The following ERCC8 variants were observed in gnomAD, a reference collection of about 807,000 sequenced individuals.
ERCC8 encodes ERCC excision repair 8, CSA ubiquitin ligase complex subunit.
ERCC8 carries 52 observed loss-of-function variants against 54.9 expected under a neutral mutation model. The observed-to-expected ratio is 0.95, with a 90% CI of 0.76 to 1.19. The LOEUF is 1.19. Among genes scored for constraint, ERCC8 ranks in the 50% most tolerant of loss-of-function variants. The probability of loss-of-function intolerance (pLI) is 0.00; values close to 1 mark genes in which losing one functional copy is unlikely to be tolerated. For missense variants in ERCC8, 514 were observed against 466.1 expected, an observed-to-expected ratio of 1.10 and a Z score of -0.95; for synonymous variants, 146 against 157.2, an observed-to-expected ratio of 0.93 and a Z score of 0.53.
intron 11 of ERCC8, among the ~76,000 whole-genome samples, chr5:60,879,387 G>A: frequency 6.6e-6 from 1 of 152,130 alleles, no homozygotes; most frequent in Non-Finnish European, 1.5e-5. Context: ...TATTAGGTCT[G>A]CTTGGTGCAG....
chr5:60,918,183 G>A, intron 4 of ERCC8, 82 bp downstream of exon 4: 1 of 1,119,440 alleles, frequency 8.9e-7, no homozygotes, highest in Non-Finnish European at 1.3e-6. Flanking sequence ...TGACATCTCA[G>A]CAAATAATCA....
At chr5:60,884,847 T>C (rs2112468563) in intron 11 of ERCC8, among the ~76,000 whole-genome samples, 1 of 152,248 alleles carries the variant, frequency 6.6e-6, no homozygotes, top group Non-Finnish European at 1.5e-5. Context: ...GGTAAGGTTT[T>C]ATAGCTCTAA....
chr5:60,898,654 T>C (rs897654839), intron 8 of ERCC8, among the ~76,000 whole-genome samples: 5 of 151,666 alleles, frequency 3.3e-5, no homozygotes, highest in Non-Finnish European at 4.4e-5. Context: ...AGCAAGGAAA[T>C]TGTGCCATGA....
chr5:60,939,373 ATTT>A (rs913638863), intron 1 of ERCC8, among the ~76,000 whole-genome samples: 1 of 151,778 alleles, frequency 6.6e-6, no homozygotes, highest in African/African-American at 2.4e-5. Flanking sequence ...TTCTTTCCTA[ATTT>A]TTTTCCTGAA....
rs1387048989 is a variant in ERCC8 at position 60,904,628 on chromosome 5, GTGTGTGTATATA to G, written c.481+152_481+163del. On this transcript the variant is annotated intron_variant, in intron 5 of 11. Coordinates refer to ENST00000676185, the MANE Select transcript of ERCC8 (RefSeq NM_000082.4). ...TATCTGTTGAATATATATAGTGTGTGTGTGTGTATATATATATATATATATATATATATATAT... is the reference window on the plus strand; with the variant it reads ...TATCTGTTGAATATATATAGTGTGTGTATATATATATATATATATATATAT... Among the ~76,000 whole-genome samples the G allele has an allele frequency of 0.029, 1,950 of 67,716 alleles. 160 individuals are homozygous for G. Among genetic ancestry groups the G allele is most frequent in the East Asian group, 0.19 (394 of 2,082 alleles). The allele number at this position is 67,716 out of a possible 152,430, so 44.4% of individuals were successfully genotyped here. A position where few individuals can be genotyped will look rare whatever the true frequency, so the allele number is the denominator to read the frequency against.
chr5:60,876,810 TTTTCTCCCATTCTGTAGGTTGC>T (rs1257358307), intron 11 of ERCC8, among the ~76,000 whole-genome samples: 1 of 152,204 alleles, frequency 6.6e-6, no homozygotes, highest in African/African-American at 2.4e-5. Context: ...ATTGCAAAAA[TTTTCTCCCATTCTGTAGGTTGC>T]TTGTTCACTC....
Position 60,944,781 on chromosome 5 carries a change from G to T in ERCC8, c.77+151C>A, listed in dbSNP as rs1750384310. 4 of 368,446 alleles carry T rather than the reference G, an allele frequency of 1.1e-5. No homozygotes were observed. The East Asian group carries it at 2.7e-4, about 24-fold the overall frequency. The allele number at this position is 368,446 out of a possible 1,614,324, so 22.8% of individuals were successfully genotyped here. A position where few individuals can be genotyped will look rare whatever the true frequency, so the allele number is the denominator to read the frequency against. On this transcript the variant is annotated intron_variant, in intron 1 of 11. Transcript: ENST00000676185. The stretch of plus-strand genomic sequence containing the variant: ...GCAAGTTGTTACCAGTAAATAAAAG[G>T]GATCCTATTTTAGCAAGCCACACAG...
chr5:60,893,102 C>T, intron 9 of ERCC8: 3 of 774,808 alleles, frequency 3.9e-6, no homozygotes, highest in Non-Finnish European at 7.1e-6. Context: ...GGACCAGCTT[C>T]TTGTTGCCTT....
chr5:60,883,084 A>T (rs1169088187), intron 11 of ERCC8, among the ~76,000 whole-genome samples: 1 of 152,168 alleles, frequency 6.6e-6, no homozygotes, highest in Non-Finnish European at 1.5e-5. Flanking sequence ...CCTATTAAAA[A>T]TTTTAATTTC....
In ERCC8 at chr5:60,874,224, G is replaced by A. The variant is rs1406838982; in HGVS notation, c.*391C>T. On this transcript the variant is annotated 3_prime_UTR_variant, in exon 12 of 12. Coordinates refer to ENST00000676185, the MANE Select transcript of ERCC8 (RefSeq NM_000082.4). ...ATTCTTGGCAAAATCATTCTTAAAG[G>A]TGGAAACGAGCAGGCTGATAGTACA... 1 of 162,024 alleles carries A rather than the reference G, an allele frequency of 6.2e-6. No individual in the cohort carries two copies. Among genetic ancestry groups the A allele is most frequent in the Non-Finnish European group, 1.3e-5 (1 of 74,886 alleles). 10.0% of individuals were successfully genotyped at this position (162,024 alleles called of 1,614,324 possible). A position where few individuals can be genotyped will look rare whatever the true frequency, so the allele number is the denominator to read the frequency against.
chr5:60,905,969 C>T (rs1372721895), intron 4 of ERCC8, among the ~76,000 whole-genome samples: 1 of 152,070 alleles, frequency 6.6e-6, no homozygotes, highest in Non-Finnish European at 1.5e-5. Context: ...CACTAAGCCA[C>T]TTCTGGGTGG....
rs569702232 is a variant in ERCC8 at position 60,897,152 on chromosome 5, C to A, written c.843+1124G>T. Among the ~76,000 whole-genome samples the A allele has an allele frequency of 3.3e-5, 5 of 152,274 alleles. No homozygotes were observed. The South Asian group carries it at 1.0e-3, about 32-fold the overall frequency. On this transcript the variant is annotated intron_variant, in intron 9 of 11. Transcript: ENST00000676185. ...TCTTTCCCTGACTAGAATGATATCC[C>A]CCAGCAAACAACTGATGAGCCACTT...
At chr5:60,929,921 T>C (rs773548683) in intron 1 of ERCC8, among the ~76,000 whole-genome samples, 33 of 152,216 alleles carry the variant, frequency 2.2e-4, no homozygotes, top group Non-Finnish European at 4.0e-4. Context: ...ATAATGCTAG[T>C]TTAAATATCA....
intron 2 of ERCC8, among the ~76,000 whole-genome samples, chr5:60,927,765 G>A (rs186718803): frequency 1.3e-5 from 2 of 152,160 alleles, no homozygotes; most frequent in East Asian, 3.9e-4. Context: ...TTGAATAGAA[G>A]GTGTTACACT....
At chr5:60,908,829 T>C (rs946131745) in intron 4 of ERCC8, among the ~76,000 whole-genome samples, 2 of 152,264 alleles carry the variant, frequency 1.3e-5, no homozygotes, top group Non-Finnish European at 2.9e-5. Context: ...AAATTTGTGA[T>C]GCTGTCACTG....
rs1178744923 is a variant in ERCC8 at position 60,922,063 on chromosome 5, G to T, written c.266C>A (p.Ser89Tyr). 1.9e-6 allele frequency: 3 copies of T among 1,600,112 alleles called. No individual in the cohort carries two copies. The East Asian group carries it at 6.7e-5, about 36-fold the overall frequency. Residue 89 changes from serine to tyrosine, a missense_variant, in exon 3 of 12, where the codon TCC (serine) becomes TAC (tyrosine). Coordinates refer to ENST00000676185, the MANE Select transcript of ERCC8 (RefSeq NM_000082.4). Reference sequence around the variant, plus strand: ...CATTTTAAATACATACCTGCCAATGGAACACACTGCTTTACATGTGTAATA... The same window carrying T: ...CATTTTAAATACATACCTGCCAATGTAACACACTGCTTTACATGTGTAATA... ...QSYYTCKAVC[S>Y]IGRDHPDVHR...
intron 3 of ERCC8, among the ~76,000 whole-genome samples, chr5:60,921,289 C>A (rs1377030846): frequency 6.6e-6 from 1 of 151,902 alleles, no homozygotes; most frequent in African/African-American, 2.4e-5. Context: ...TTGGGAAGAG[C>A]TGTAATAGAT....
intron 2 of ERCC8, among the ~76,000 whole-genome samples, chr5:60,923,818 G>A (rs1233604732): frequency 1.3e-5 from 2 of 151,756 alleles, no homozygotes; most frequent in Non-Finnish European, 2.9e-5. Flanking sequence ...TCAAAAATAG[G>A]GGAACCATCA....
chr5:60,939,554 G>C (rs4647054), intron 1 of ERCC8, among the ~76,000 whole-genome samples: 5,309 of 152,090 alleles, frequency 0.035, 119 homozygotes, highest in Non-Finnish European at 0.048. Flanking sequence ...CTGGAGGGTG[G>C]CACAGTCTCA....
Sources: gnomAD v4.1 joint callset for allele counts (sites outside exome capture counted in the v4.1 genomes callset) on GRCh38, gnomAD v4.1.1 for gene constraint, MANE v1.5 for transcripts, NCBI Gene and HGNC (gene_info 2026-07-23, HGNC 2026-07-21) for gene names.